Variants in ROBO2 observed in about 807,000 individuals in gnomAD.
ROBO2 encodes roundabout guidance receptor 2.
ROBO2 carries 53 observed loss-of-function variants against 160.8 expected under a neutral mutation model. The observed-to-expected ratio is 0.33, with a 90% confidence interval of 0.26 to 0.41. ROBO2 has a LOEUF of 0.41. ROBO2 is among the 10% of genes least tolerant of loss of function. The pLI, the probability that ROBO2 is intolerant of heterozygous loss-of-function variation, is 1.00. For synonymous variants in ROBO2, 664 were observed against 611.7 expected (o/e 1.09, Z -1.26); for missense variants, 1,577 against 1,722.4 (o/e 0.92, Z 1.49).
intron 2 of ROBO2, among the ~76,000 whole-genome samples, chr3:76,194,353 A>C (rs5000154): frequency 2.1e-5 from 2 of 94,530 alleles, no homozygotes. Context: ...ATGGTGTGTA[A>C]ATATATATAT....
chr3:77,261,546 A>G (rs1024781873), intron 2 of ROBO2, among the ~76,000 whole-genome samples: 12 of 152,144 alleles, frequency 7.9e-5, no homozygotes, highest in African/African-American at 2.2e-4. Flanking sequence ...CTGCGCTTTT[A>G]TATACAGTAT....
intron 23 of ROBO2, among the ~76,000 whole-genome samples, chr3:77,624,759 G>A (rs2094973068): frequency 1.3e-5 from 2 of 152,088 alleles, no homozygotes; most frequent in African/African-American, 2.4e-5. Flanking sequence ...CCCCTGAAAT[G>A]CTGTTAGTTA....
chr3:76,638,938 C>T (rs1225409119), intron 2 of ROBO2, among the ~76,000 whole-genome samples: 1 of 152,164 alleles, frequency 6.6e-6, no homozygotes, highest in Non-Finnish European at 1.5e-5. Context: ...GCCTGTCAAG[C>T]ACTGGGGTGA....
At chr3:76,665,227 C>T (rs1464656118) in intron 2 of ROBO2, among the ~76,000 whole-genome samples, 1 of 151,974 alleles carries the variant, frequency 6.6e-6, no homozygotes, top group Non-Finnish European at 1.5e-5. Context: ...TCTGGCCTGC[C>T]TAAGTTGTAA....
intron 2 of ROBO2, among the ~76,000 whole-genome samples, chr3:76,032,806 C>G (rs942217917): frequency 2.0e-5 from 3 of 152,096 alleles, no homozygotes; most frequent in Non-Finnish European, 4.4e-5. Context: ...TGTTTAAACA[C>G]TATGGCATGC....
At chr3:76,406,027 T>C (rs1280216518) in intron 2 of ROBO2, among the ~76,000 whole-genome samples, 2 of 151,732 alleles carry the variant, frequency 1.3e-5, no homozygotes. Flanking sequence ...TGTCTATATA[T>C]GGCAATATGA....
intron 2 of ROBO2, among the ~76,000 whole-genome samples, chr3:77,354,898 G>A (rs1257557096): frequency 1.3e-5 from 2 of 152,122 alleles, no homozygotes; most frequent in Non-Finnish European, 2.9e-5. Context: ...ATAATAAGAC[G>A]TTGCATCCCA....
At chr3:76,307,880 T>A (rs974886989) in intron 2 of ROBO2, among the ~76,000 whole-genome samples, 3 of 152,178 alleles carry the variant, frequency 2.0e-5, no homozygotes, top group Non-Finnish European at 4.4e-5. Flanking sequence ...TATTTGCTAT[T>A]CTTTTACATT....
Position 77,595,519 on chromosome 3 carries a change from A to G in ROBO2, c.2726+335A>G, listed in dbSNP as rs540777110. Reference sequence around the variant, plus strand: ...AAGACTCCTTATAGGCTCTCACTAAATTGCTGTGAGTGAACAATTACACAT... The same window carrying G: ...AAGACTCCTTATAGGCTCTCACTAAGTTGCTGTGAGTGAACAATTACACAT... On this transcript the variant is annotated intron_variant, in intron 18 of 25. Coordinates refer to ENST00000461745, the Ensembl canonical transcript of ROBO2. 1.1e-4 allele frequency among the ~76,000 whole-genome samples: 16 copies of G among 152,338 alleles called. No homozygotes were observed. The East Asian group carries it at 3.1e-3, about 29-fold the overall frequency.
At chr3:77,209,595 T>C in intron 2 of ROBO2, among the ~76,000 whole-genome samples, 1 of 152,152 alleles carries the variant, frequency 6.6e-6, no homozygotes, top group East Asian at 1.9e-4. Flanking sequence ...GTATGCCATA[T>C]TGACAACCGA....
intron 2 of ROBO2, among the ~76,000 whole-genome samples, chr3:77,205,037 G>C (rs2083286646): frequency 6.6e-6 from 1 of 152,148 alleles, no homozygotes; most frequent in Non-Finnish European, 1.5e-5. Flanking sequence ...GCAGCCCCGT[G>C]GTAGGTAGTA....
chr3:76,165,151 T>C (rs1575724669), intron 2 of ROBO2, among the ~76,000 whole-genome samples: 1 of 152,354 alleles, frequency 6.6e-6, no homozygotes, highest in East Asian at 1.9e-4. Flanking sequence ...TGGAATCTTC[T>C]TCCAGTACGA....
intron 2 of ROBO2, among the ~76,000 whole-genome samples, chr3:75,961,648 C>T (rs1434942618): frequency 6.6e-6 from 1 of 151,524 alleles, no homozygotes; most frequent in Non-Finnish European, 1.5e-5. Context: ...AGATAAGAAA[C>T]ATTTTGCACA....
intron 2 of ROBO2, among the ~76,000 whole-genome samples, chr3:76,325,228 A>C (rs2072913241): frequency 6.6e-6 from 1 of 152,374 alleles, no homozygotes; most frequent in South Asian, 2.1e-4. Context: ...CATATTTTAT[A>C]ATATCACAAT....
intron 2 of ROBO2, among the ~76,000 whole-genome samples, chr3:76,717,321 G>A (rs188107112): frequency 6.6e-6 from 1 of 151,882 alleles, no homozygotes; most frequent in East Asian, 1.9e-4. Context: ...GTGAAACCCC[G>A]TCTCAACTAA....
chr3:76,431,273 C>A lies in ROBO2; in HGVS notation c.109+493671C>A, dbSNP rs776420158. Among the ~76,000 whole-genome samples, 5 of 152,098 alleles carry A rather than the reference C, an allele frequency of 3.3e-5. 1 individual carries two copies. The East Asian group carries it at 9.6e-4, about 29-fold the overall frequency. On this transcript the variant is annotated intron_variant, in intron 2 of 26. Coordinates refer to the ROBO2 transcript ENST00000487694. ...AAAGTTAATTTAAAAATATATCCAA[C>A]CCTTAGTAATTAGATATTTTTGCAA...
intron 2 of ROBO2, among the ~76,000 whole-genome samples, chr3:77,345,607 AAC>A (rs2067546287): frequency 6.6e-6 from 1 of 152,160 alleles, no homozygotes; most frequent in Non-Finnish European, 1.5e-5. Context: ...ACTATCTTTA[AAC>A]CTCTGTATCT....
At chr3:77,420,529 C>G (rs2077622944) in intron 2 of ROBO2, among the ~76,000 whole-genome samples, 1 of 152,122 alleles carries the variant, frequency 6.6e-6, no homozygotes, top group Non-Finnish European at 1.5e-5. Flanking sequence ...CATTTAGCAG[C>G]TGTACAGTTG....
At chr3:76,498,410 G>A (rs2080270904) in intron 2 of ROBO2, among the ~76,000 whole-genome samples, 1 of 151,972 alleles carries the variant, frequency 6.6e-6, no homozygotes, top group Admixed American at 6.6e-5. Flanking sequence ...GTCAATAACA[G>A]TATATTGTAT....
Sources: gnomAD v4.1 joint callset for allele counts (sites outside exome capture counted in the v4.1 genomes callset) on GRCh38, gnomAD v4.1.1 for gene constraint, MANE v1.5 for transcripts, NCBI Gene and HGNC (gene_info 2026-07-23, HGNC 2026-07-21) for gene names.